The following BANP variants were observed in gnomAD, a reference collection of about 807,000 sequenced individuals.
BANP encodes the protein protein BANP.
A neutral mutation model predicts 68.1 loss-of-function variants in BANP; 11 were observed. That is an observed-to-expected ratio of 0.16 (90% CI 0.10 to 0.27). The LOEUF (loss-of-function observed/expected upper bound fraction) is 0.27, where lower values mean the gene tolerates loss of function less well. Ranked by LOEUF, BANP falls within the 10% of genes least tolerant of loss-of-function variation. BANP has a pLI of 1.00. For synonymous variants in BANP, 329 were observed against 303.2 expected (o/e 1.09, Z -0.88); for missense variants, 504 against 722.7 (o/e 0.70, Z 3.47).
At chr16:88,073,288 G>A (rs1026779675) in intron 13 of BANP, among the ~76,000 whole-genome samples, 16 of 152,234 alleles carry the variant, frequency 1.1e-4, no homozygotes, top group Non-Finnish European at 1.5e-4. Flanking sequence ...TCTTCACAGC[G>A]GGGCAGCTGC....
intron 1 of BANP, among the ~76,000 whole-genome samples, chr16:87,964,638 C>T (rs7201218): frequency 0.65 from 98,787 of 152,132 alleles, 32,554 homozygotes; most frequent in African/African-American, 0.71. Context: ...TAGCCTGGCA[C>T]GTGTTTTTAT....
intron 9 of BANP, chr16:88,035,062 G>A (rs547853029): frequency 4.9e-5 from 24 of 490,508 alleles, no homozygotes; most frequent in African/African-American, 4.5e-4. Context: ...CATATATGGG[G>A]TTCAGCACCA....
chr16:88,031,332 A>G (rs9939580), intron 8 of BANP, among the ~76,000 whole-genome samples: 27,421 of 152,228 alleles, frequency 0.18, 3,100 homozygotes, highest in South Asian at 0.28. Flanking sequence ...AATTTCTAGC[A>G]TATTGCAAGT....
intron 1 of BANP, chr16:87,956,727 C>T (rs1345808853): frequency 6.6e-6 from 1 of 151,980 alleles, no homozygotes; most frequent in East Asian, 1.9e-4. Flanking sequence ...GTTTCCGCCT[C>T]TGCACGTCCC....
At chr16:88,015,756 A>G (rs1398034788) in intron 6 of BANP, among the ~76,000 whole-genome samples, 1 of 152,200 alleles carries the variant, frequency 6.6e-6, no homozygotes, top group Non-Finnish European at 1.5e-5. Flanking sequence ...GGACTCAGGT[A>G]CTCAGGTGCT....
chr16:88,039,804 C>G (rs1366154318), intron 11 of BANP, among the ~76,000 whole-genome samples: 1 of 147,036 alleles, frequency 6.8e-6, no homozygotes, highest in South Asian at 2.3e-4. Flanking sequence ...GTTCTGGTGT[C>G]TCTGGTTCCT....
intron 6 of BANP, among the ~76,000 whole-genome samples, chr16:88,016,743 T>C (rs2074661766): frequency 1.3e-5 from 2 of 152,154 alleles, no homozygotes; most frequent in African/African-American, 4.8e-5. Flanking sequence ...CATATACAGG[T>C]GGAATGTAAT....
chr16:88,051,140 TA>T (rs1268092374), intron 11 of BANP, among the ~76,000 whole-genome samples: 1 of 152,174 alleles, frequency 6.6e-6, no homozygotes, highest in Non-Finnish European at 1.5e-5. Flanking sequence ...CCCTCCCGTG[TA>T]GTGGCGGGCC....
At chr16:87,974,297 A>G (rs1184576852) in intron 1 of BANP, among the ~76,000 whole-genome samples, 3 of 152,182 alleles carry the variant, frequency 2.0e-5, no homozygotes, top group African/African-American at 7.2e-5. Context: ...GTTCTCTTGA[A>G]GCCCAATCAG....
chr16:87,973,036 T>C (rs1269886053), intron 1 of BANP, among the ~76,000 whole-genome samples: 2 of 151,982 alleles, frequency 1.3e-5, no homozygotes, highest in African/African-American at 4.8e-5. Flanking sequence ...CCCCATCTGC[T>C]TGTGTTTGGG....
At position 87,984,084 on chromosome 16, in the gene BANP, A is replaced by G. The variant is rs1304424367; in HGVS notation, c.187A>G (p.Thr63Ala). 1 of 1,614,060 alleles carries G rather than the reference A, an allele frequency of 6.2e-7. No homozygotes were observed. Among genetic ancestry groups the G allele is most frequent in the Admixed American group, 1.7e-5 (1 of 60,022 alleles). ...IKSFLYSINQ[T>A]ICLRLDSIEA... Reference sequence around the variant, plus strand: ...GTCATTCCTGTATTCCATCAACCAGACAATCTGCTTGCGGTTGGATAGCAT... The same window carrying G: ...GTCATTCCTGTATTCCATCAACCAGGCAATCTGCTTGCGGTTGGATAGCAT... Residue 63 changes from threonine (T) to alanine (A), a missense_variant, in exon 4 of 14, where the codon ACA becomes GCA. Transcript: ENST00000682872.
chr16:87,984,406 G>A lies in BANP; in HGVS notation c.362+147G>A, dbSNP rs189030114. 3.3e-4 allele frequency: 330 copies of A among 985,794 alleles called. 2 individuals carry two copies. The African/African-American group carries it at 4.8e-3, about 14-fold the overall frequency. 61.1% of individuals were successfully genotyped at this position (985,794 alleles called of 1,614,324 possible). A position where few individuals can be genotyped will look rare whatever the true frequency, so the allele number is the denominator to read the frequency against. ...GTCTCAGCAGTTTCTAACTAAAGCT[G>A]ACTTTTAGTTAGACCGAAACCGAAC... On this transcript the variant is annotated intron_variant, in intron 4 of 13. Coordinates refer to ENST00000682872, the MANE Select transcript of BANP (RefSeq NM_001386991.1).
chr16:87,970,821 C>T (rs1429794382), intron 1 of BANP, among the ~76,000 whole-genome samples: 1 of 152,036 alleles, frequency 6.6e-6, no homozygotes, highest in South Asian at 2.1e-4. Flanking sequence ...GAGTTTGAGA[C>T]CAGCCTGGCC....
chr16:88,061,969 A>G (rs1040376112), intron 11 of BANP, among the ~76,000 whole-genome samples: 2 of 152,082 alleles, frequency 1.3e-5, no homozygotes, highest in African/African-American at 4.8e-5. Context: ...TGAGCACCTC[A>G]TTTTTCTAGT....
At chr16:88,053,373 T>C (rs1320774869) in intron 11 of BANP, among the ~76,000 whole-genome samples, 17 of 125,050 alleles carry the variant, frequency 1.4e-4, no homozygotes, top group African/African-American at 3.6e-4. Context: ...CCACTCCCAC[T>C]CCCACCTCCT....
intron 4 of BANP, among the ~76,000 whole-genome samples, chr16:87,988,729 C>G (rs1443039466): frequency 2.0e-5 from 3 of 152,294 alleles, no homozygotes; most frequent in African/African-American, 7.2e-5. Flanking sequence ...GATGCAGACA[C>G]CTTAAGGGGC....
At chr16:88,046,183 T>A (rs900021715) in intron 11 of BANP, among the ~76,000 whole-genome samples, 8 of 152,228 alleles carry the variant, frequency 5.3e-5, no homozygotes, top group African/African-American at 1.9e-4. Context: ...CCTTAGAGCC[T>A]CCTGACGCGG....
At chr16:88,040,463 C>T (rs1042512551) in intron 11 of BANP, among the ~76,000 whole-genome samples, 1 of 152,096 alleles carries the variant, frequency 6.6e-6, no homozygotes, top group Admixed American at 6.6e-5. Context: ...ATTCGCTCTC[C>T]TCCCCGTCCC....
chr16:87,972,553 CAGT>C (rs1379631921), intron 1 of BANP, among the ~76,000 whole-genome samples: 1 of 152,054 alleles, frequency 6.6e-6, no homozygotes, highest in African/African-American at 2.4e-5. Flanking sequence ...TATTTGGCCT[CAGT>C]AGTTTCTGTT....
Sources: allele counts gnomAD v4.1 joint callset (sites outside exome capture counted in the v4.1 genomes callset), GRCh38; gene constraint gnomAD v4.1.1; transcripts MANE v1.5; gene names NCBI Gene and HGNC (gene_info 2026-07-23, HGNC 2026-07-21).